ANLN: variants seen among roughly 807,000 people sequenced by gnomAD.
ANLN encodes the protein anillin.
In ANLN, 59 loss-of-function variants were observed where a neutral mutation model predicts 135.1. That is an observed-to-expected ratio of 0.44 (90% CI 0.35 to 0.54). The LOEUF (loss-of-function observed/expected upper bound fraction) is 0.54. Ranked by LOEUF, ANLN falls within the 20% of genes least tolerant of loss-of-function variation. The pLI is 0.00. For synonymous variants in ANLN, 406 were observed against 456.4 expected (o/e 0.89, Z 1.41); for missense variants, 1,182 against 1,340.0 (o/e 0.88, Z 1.84).
intron 7 of ANLN, among the ~76,000 whole-genome samples, chr7:36,413,729 G>A (rs766265504): frequency 3.3e-5 from 5 of 152,110 alleles, no homozygotes; most frequent in African/African-American, 4.8e-5. Context: ...GGTGGCTCCC[G>A]CCTGTAATCC....
At position 36,452,771 on chromosome 7, in the gene ANLN, A is replaced by C; in HGVS notation, c.*171A>C. The C allele has an allele frequency of 3.2e-6, 2 of 631,892 alleles. No homozygotes were observed. Among genetic ancestry groups the C allele is most frequent in the South Asian group, 6.8e-5 (2 of 29,538 alleles). 39.1% of individuals were successfully genotyped at this position (631,892 alleles called of 1,614,324 possible). A position where few individuals can be genotyped will look rare whatever the true frequency, so the allele number is the denominator to read the frequency against. On this transcript the variant is annotated 3_prime_UTR_variant, in exon 24 of 24. Coordinates refer to ENST00000265748, the MANE Select transcript of ANLN (RefSeq NM_018685.5). The stretch of plus-strand genomic sequence containing the variant: ...TCTTTTGTATGTAAAACTTTAACTG[A>C]TTTCTGTCATTCATCAATGAGTAGA...
Position 36,407,979 on chromosome 7 carries a change from A to G in ANLN, c.1096+23A>G, listed in dbSNP as rs1422030634. On this transcript the variant is annotated intron_variant, in intron 5 of 23. Coordinates refer to ENST00000265748, the MANE Select transcript of ANLN (RefSeq NM_018685.5). The stretch of plus-strand genomic sequence containing the variant: ...CAGGTTACGTATTTATAAAAAATTT[A>G]GTTATTGCTGATTATATTCAGGATA... The G allele has an allele frequency of 1.9e-6, 3 of 1,558,718 alleles. No homozygotes were observed. The South Asian group carries it at 3.4e-5, about 18-fold the overall frequency.
intron 7 of ANLN, 130 bp from the exon 8 acceptor site, chr7:36,415,628 C>G (rs1787606576): frequency 9.7e-7 from 1 of 1,025,904 alleles, no homozygotes; most frequent in African/African-American, 1.6e-5. Flanking sequence ...TTCACATACA[C>G]TATCTCTTTG....
At chr7:36,426,141 G>C (rs2116693725) in intron 19 of ANLN, 105 bp downstream of exon 19, 1 of 810,970 alleles carries the variant, frequency 1.2e-6, no homozygotes, top group Non-Finnish European at 1.9e-6. Context: ...TGTTTACCTT[G>C]ATCTCCTTTG....
chr7:36,430,402 T>C (rs1158736630), intron 20 of ANLN, among the ~76,000 whole-genome samples: 1 of 152,188 alleles, frequency 6.6e-6, no homozygotes, highest in Non-Finnish European at 1.5e-5. Context: ...TATTCAGATC[T>C]GATTTAAAGC....
At chr7:36,441,395 T>C (rs1257611604) in intron 21 of ANLN, among the ~76,000 whole-genome samples, 1 of 152,258 alleles carries the variant, frequency 6.6e-6, no homozygotes, top group Non-Finnish European at 1.5e-5. Context: ...GTCCTCTGCC[T>C]AAACATTGCA....
intron 20 of ANLN, among the ~76,000 whole-genome samples, chr7:36,434,374 G>A (rs899165304): frequency 2.6e-5 from 4 of 152,132 alleles, no homozygotes; most frequent in African/African-American, 7.2e-5. Flanking sequence ...TTCCTGTTGG[G>A]GAGAATTGGC....
chr7:36,432,558 T>G (rs1224354511), intron 20 of ANLN, among the ~76,000 whole-genome samples: 1 of 152,242 alleles, frequency 6.6e-6, no homozygotes, highest in East Asian at 1.9e-4. Context: ...TCTTTATATT[T>G]GTTTACATTT....
intron 15 of ANLN, 51 bp from the exon 16 acceptor site, chr7:36,424,494 G>A: frequency 7.1e-7 from 1 of 1,401,802 alleles, no homozygotes; most frequent in South Asian, 1.3e-5. Context: ...ATTTTTAATG[G>A]TGTGATTGAG....
intron 15 of ANLN, 141 bp downstream of exon 15, chr7:36,424,084 C>T (rs1787986081): frequency 1.6e-5 from 14 of 892,168 alleles, no homozygotes; most frequent in South Asian, 2.2e-5. Context: ...ACCCATCTTT[C>T]AATTTGTTGC....
At chr7:36,443,659 T>A (rs1471135540) in intron 21 of ANLN, 96 bp from the exon 22 acceptor site, 1 of 690,262 alleles carries the variant, frequency 1.4e-6, no homozygotes, top group African/African-American at 1.8e-5. Flanking sequence ...ATATGAAATA[T>A]GTCAACATAC....
chr7:36,439,518 G>A (rs901208879), intron 21 of ANLN, among the ~76,000 whole-genome samples: 2 of 152,134 alleles, frequency 1.3e-5, no homozygotes, highest in East Asian at 1.9e-4. Flanking sequence ...AAATACAAAC[G>A]AACAGACAAG....
chr7:36,445,126 T>C (rs188566183), intron 22 of ANLN, among the ~76,000 whole-genome samples: 1 of 148,282 alleles, frequency 6.7e-6, no homozygotes, highest in African/African-American at 2.4e-5. Context: ...TTATTCATAA[T>C]CCTTGGGATT....
chr7:36,443,729 G>A, intron 21 of ANLN, 26 bp from the exon 22 acceptor site: 1 of 1,520,264 alleles, frequency 6.6e-7, no homozygotes, highest in South Asian at 1.2e-5. Context: ...ACTTTCTAAA[G>A]CCAGCATTTC....
intron 20 of ANLN, among the ~76,000 whole-genome samples, chr7:36,435,170 A>T (rs1315332306): frequency 6.6e-6 from 1 of 152,306 alleles, no homozygotes; most frequent in South Asian, 2.1e-4. Context: ...TAAGTGTAGC[A>T]TTCAGTGAGT....
chr7:36,407,245 A>C (rs1336436751), intron 4 of ANLN, among the ~76,000 whole-genome samples: 1 of 152,262 alleles, frequency 6.6e-6, no homozygotes, highest in South Asian at 2.1e-4. Context: ...TTCTATGTGT[A>C]AAATAGGAAA....
At chr7:36,429,362 A>G (rs1173905536) in intron 20 of ANLN, among the ~76,000 whole-genome samples, 1 of 152,050 alleles carries the variant, frequency 6.6e-6, no homozygotes, top group Non-Finnish European at 1.5e-5. Context: ...CTGGGATTAC[A>G]GGCGTGCACC....
intron 7 of ANLN, among the ~76,000 whole-genome samples, chr7:36,412,404 C>T (rs990186899): frequency 2.7e-5 from 4 of 146,902 alleles, no homozygotes; most frequent in Admixed American, 6.9e-5. Flanking sequence ...TCTTGGCTTA[C>T]TGCAACCTCC....
rs111614903 is a variant in ANLN, at chr7:36,438,641, G to T, written c.2884-563G>T. 1.1e-3 allele frequency among the ~76,000 whole-genome samples: 168 copies of T among 152,222 alleles called. 1 individual carries two copies. The highest frequency in any genetic ancestry group is 3.8e-3 in the African/African-American group (158 of 41,540). ...CACTCCTTGGCCTTCCAAAGTTCTG[G>T]GATTACAGGCGTGAACTACCATGTC... On this transcript the variant is annotated intron_variant, in intron 20 of 23. Coordinates refer to ENST00000265748, the MANE Select transcript of ANLN (RefSeq NM_018685.5).
Sources: allele counts gnomAD v4.1 joint callset (sites outside exome capture counted in the v4.1 genomes callset), GRCh38; gene constraint gnomAD v4.1.1; transcripts MANE v1.5; gene names NCBI Gene and HGNC (gene_info 2026-07-23, HGNC 2026-07-21).